Variants in CLASP1 observed in about 807,000 individuals in gnomAD.
CLASP1 encodes CLIP-associating protein 1.
CLASP1 carries 38 observed loss-of-function variants against 192.3 expected under a neutral mutation model. The observed-to-expected ratio is 0.20, with a 90% confidence interval of 0.15 to 0.26. The LOEUF (loss-of-function observed/expected upper bound fraction) is 0.26. Among genes scored for constraint, CLASP1 ranks in the 10% least tolerant of loss-of-function variants. The pLI, the probability that CLASP1 is intolerant of heterozygous loss-of-function variation, is 1.00. For missense variants in CLASP1, 1,433 were observed against 1,932.5 expected (o/e 0.74, Z 4.85); for synonymous variants, 691 against 712.8 (o/e 0.97, Z 0.49).
At chr2:121,376,526 T>TGGGGGGGGGGGGGGGAGGGGG (rs61313144) in intron 34 of CLASP1, among the ~76,000 whole-genome samples, 14 of 105,200 alleles carry the variant, frequency 1.3e-4, no homozygotes, top group Admixed American at 4.2e-4. Flanking sequence ...TGGGAAGGGG[T>TGGGGGGGGGGGGGGGAGGGGG]GGGGGGGGGG....
rs1033966005 is a variant in CLASP1 at position 121,518,596 on chromosome 2, G to A, written c.547-2834C>T. 2.6e-5 allele frequency among the ~76,000 whole-genome samples: 4 copies of A among 152,246 alleles called. 1 individual carries two copies. Among genetic ancestry groups the A allele is most frequent in the South Asian group, 2.1e-4 (1 of 4,824 alleles). On this transcript the variant is annotated intron_variant, in intron 6 of 39. Coordinates refer to ENST00000263710, the Ensembl canonical transcript of CLASP1. ...TTACATTGAAAATGCGGTCGGGCGC[G>A]GTGGCTCATGCCTGTAATCCCAGCA... is the stretch of plus-strand genomic sequence containing the variant.
At position 121,639,785 on chromosome 2, in the gene CLASP1, C is replaced by T. The variant is rs559832835; in HGVS notation, c.-286+9587G>A. On this transcript the variant is annotated intron_variant, in intron 1 of 39. Transcript: ENST00000263710. Reference sequence around the variant, plus strand: ...GGCTGAGGCAGAAGAGTCACTTGAACGCAGGAGGCAGAGGTTGCAGTAAGC... The same window carrying T: ...GGCTGAGGCAGAAGAGTCACTTGAATGCAGGAGGCAGAGGTTGCAGTAAGC... 4.0e-5 allele frequency among the ~76,000 whole-genome samples: 6 copies of T among 149,044 alleles called. No individual in the cohort carries two copies. In the East Asian group the frequency reaches 6.0e-4, roughly 15 times the overall value.
chr2:121,577,680 T>C (rs1253053628), intron 2 of CLASP1, among the ~76,000 whole-genome samples: 1 of 152,214 alleles, frequency 6.6e-6, no homozygotes, highest in Non-Finnish European at 1.5e-5. Flanking sequence ...TTTAGTTTCC[T>C]CAAATTTAAA....
chr2:121,357,428 C>G (rs1257764679), intron 37 of CLASP1, among the ~76,000 whole-genome samples: 2 of 152,196 alleles, frequency 1.3e-5, no homozygotes, highest in Non-Finnish European at 2.9e-5. Context: ...CCACCTCCCA[C>G]CCAGCATACA....
intron 1 of CLASP1, among the ~76,000 whole-genome samples, chr2:121,626,876 T>A (rs528545053): frequency 1.3e-5 from 2 of 152,290 alleles, no homozygotes; most frequent in South Asian, 2.1e-4. Context: ...AGGAAAGATA[T>A]ATCCACCATA....
chr2:121,401,457 C>A, intron 28 of CLASP1, 52 bp downstream of exon 29: 1 of 1,445,268 alleles, frequency 6.9e-7, no homozygotes, highest in South Asian at 1.3e-5. Flanking sequence ...GGCAAAAAGT[C>A]ACTTACAAGT....
At chr2:121,549,136 A>G (rs963040382) in intron 2 of CLASP1, among the ~76,000 whole-genome samples, 2 of 152,256 alleles carry the variant, frequency 1.3e-5, no homozygotes, top group Non-Finnish European at 2.9e-5. Flanking sequence ...TAAAAGGCAC[A>G]GAGTGGCAAG....
chr2:121,531,235 C>T (rs1457129362), intron 2 of CLASP1, among the ~76,000 whole-genome samples: 5 of 152,166 alleles, frequency 3.3e-5, no homozygotes, highest in South Asian at 2.1e-4. Flanking sequence ...TATGCTGAGT[C>T]AGCCCAGTAG....
At chr2:121,451,641 G>A (rs2085497855) in intron 15 of CLASP1, 149 bp downstream of exon 15, 1 of 630,382 alleles carries the variant, frequency 1.6e-6, no homozygotes, top group African/African-American at 1.8e-5. Flanking sequence ...AATATTATGT[G>A]GCCAACATCA....
intron 14 of CLASP1, among the ~76,000 whole-genome samples, chr2:121,453,005 G>A (rs1247374005): frequency 2.0e-5 from 3 of 151,954 alleles, no homozygotes; most frequent in Non-Finnish European, 4.4e-5. Context: ...AATAAATCAA[G>A]GCTGGGAGCA....
intron 1 of CLASP1, among the ~76,000 whole-genome samples, chr2:121,613,807 G>A (rs974614676): frequency 6.6e-6 from 1 of 152,102 alleles, no homozygotes; most frequent in African/African-American, 2.4e-5. Context: ...TTAAAAGGAG[G>A]ACCATTTATA....
intron 20 of CLASP1, among the ~76,000 whole-genome samples, chr2:121,428,128 G>A (rs989089561): frequency 1.3e-5 from 2 of 152,184 alleles, no homozygotes; most frequent in Non-Finnish European, 2.9e-5. Flanking sequence ...GCTAGGTACA[G>A]TATTTTTATA....
intron 6 of CLASP1, among the ~76,000 whole-genome samples, chr2:121,522,669 C>T (rs1037539942): frequency 1.3e-5 from 2 of 152,084 alleles, no homozygotes; most frequent in Non-Finnish European, 1.5e-5. Context: ...TATTATTCCC[C>T]ATAATCAGTC....
At chr2:121,492,281 C>T (rs573506076) in intron 8 of CLASP1, among the ~76,000 whole-genome samples, 4 of 149,426 alleles carry the variant, frequency 2.7e-5, no homozygotes, top group Admixed American at 6.7e-5. Flanking sequence ...CCCAGCTACC[C>T]GGGAGGCTGA....
At chr2:121,599,737 GAA>G (rs2063580256) in intron 2 of CLASP1, among the ~76,000 whole-genome samples, 2 of 150,746 alleles carry the variant, frequency 1.3e-5, no homozygotes, top group Non-Finnish European at 2.9e-5. Flanking sequence ...CCAACATGGC[GAA>G]GCCCCATCTC....
At chr2:121,395,798 C>T (rs1426117727) in intron 30 of CLASP1, among the ~76,000 whole-genome samples, 1 of 152,118 alleles carries the variant, frequency 6.6e-6, no homozygotes, top group African/African-American at 2.4e-5. Flanking sequence ...TTAGAGGAAG[C>T]ACAAACACTC....
chr2:121,457,779 A>T (rs745953224), intron 13 of CLASP1, 22 bp from the exon 14 acceptor site: 1 of 1,582,836 alleles, frequency 6.3e-7, no homozygotes, highest in South Asian at 1.1e-5. Context: ...AACAAAAAAC[A>T]GAGGTCAACA....
chr2:121,530,700 C>G (rs2094761407), intron 2 of CLASP1: 1 of 516,846 alleles, frequency 1.9e-6, no homozygotes. Context: ...TAAAACCGAG[C>G]CGCCGCTTTT....
At chr2:121,557,274 C>G (rs1188696078) in intron 2 of CLASP1, among the ~76,000 whole-genome samples, 2 of 152,070 alleles carry the variant, frequency 1.3e-5, no homozygotes, top group Admixed American at 1.3e-4. Context: ...GGCTTCTGAA[C>G]TTTTTGATTA....
Sources: gnomAD v4.1 joint callset for allele counts (sites outside exome capture counted in the v4.1 genomes callset) on GRCh38, gnomAD v4.1.1 for gene constraint, MANE v1.5 for transcripts, NCBI Gene and HGNC (gene_info 2026-07-23, HGNC 2026-07-21) for gene names.